Variants in TLK2 observed in about 807,000 individuals in gnomAD.
The protein encoded by TLK2 is tousled like kinase 2.
TLK2 carries 6 observed loss-of-function variants against 117.3 expected under a neutral mutation model. The ratio of observed to expected loss-of-function variants is 0.05; its 90% CI spans 0.03 to 0.10. The LOEUF is 0.10. Ranked by LOEUF, TLK2 falls within the 10% of genes least tolerant of loss-of-function variation. The pLI is 1.00. For synonymous variants in TLK2, 257 were observed against 316.7 expected, an observed-to-expected ratio of 0.81 and a Z score of 2.00; for missense variants, 299 against 901.2, an observed-to-expected ratio of 0.33 and a Z score of 8.56.
intron 11 of TLK2, among the ~76,000 whole-genome samples, chr17:62,569,309 A>G (rs1429937170): frequency 1.3e-5 from 2 of 151,810 alleles, no homozygotes; most frequent in Admixed American, 6.6e-5. Flanking sequence ...CTCCAAAAAA[A>G]AAAAACAACC....
At position 62,515,840 on chromosome 17, in the gene TLK2, T is replaced by A. The variant is rs188176066; in HGVS notation, c.82-4933T>A. ...CAGATTTTAAATTTTGATGTCTATTTTATGTATTTTTACTGTTTTTATCTC... is the reference window on the plus strand; with the variant it reads ...CAGATTTTAAATTTTGATGTCTATTATATGTATTTTTACTGTTTTTATCTC... On this transcript the variant is annotated intron_variant, in intron 2 of 21. Transcript: ENST00000346027. 5.8e-3 allele frequency among the ~76,000 whole-genome samples: 883 copies of A among 152,332 alleles called. 5 individuals carry two copies. Among genetic ancestry groups the A allele is most frequent in the Non-Finnish European group, 6.7e-3 (456 of 68,032 alleles).
chr17:62,501,057 T>A (rs2074148442), intron 2 of TLK2, among the ~76,000 whole-genome samples: 1 of 151,778 alleles, frequency 6.6e-6, no homozygotes, highest in East Asian at 2.0e-4. Flanking sequence ...GCTAACGCGG[T>A]GAAACCCCAT....
chr17:62,570,450 A>G (rs537456326), intron 11 of TLK2, among the ~76,000 whole-genome samples: 59 of 152,210 alleles, frequency 3.9e-4, no homozygotes, highest in Admixed American at 7.2e-4. Context: ...CTGTTAATGC[A>G]TGCTGGGGGA....
chr17:62,608,544 A>C (rs904728444), intron 21 of TLK2, among the ~76,000 whole-genome samples: 1 of 152,210 alleles, frequency 6.6e-6, no homozygotes, highest in Non-Finnish European at 1.5e-5. Context: ...TAAGAGTACT[A>C]AGGCATTTGT....
intron 7 of TLK2, among the ~76,000 whole-genome samples, chr17:62,549,421 A>G (rs2078245003): frequency 1.7e-5 from 2 of 114,592 alleles, no homozygotes; most frequent in African/African-American, 6.2e-5. Context: ...AAAAAAAAAA[A>G]AAAAAAAAAA....
chr17:62,585,265 AG>A (rs1362354588), intron 15 of TLK2, among the ~76,000 whole-genome samples: 6 of 152,184 alleles, frequency 3.9e-5, no homozygotes, highest in African/African-American at 1.4e-4. Flanking sequence ...CTTTTCGGCC[AG>A]GCGCAGTGGC....
chr17:62,546,770 G>A (rs898544709), intron 7 of TLK2, among the ~76,000 whole-genome samples: 1 of 151,758 alleles, frequency 6.6e-6, no homozygotes, highest in African/African-American at 2.4e-5. Flanking sequence ...ATGTTGGCCA[G>A]GCTGGTCTCG....
At chr17:62,584,793 T>C (rs2081490472) in intron 15 of TLK2, among the ~76,000 whole-genome samples, 3 of 152,256 alleles carry the variant, frequency 2.0e-5, no homozygotes, top group Admixed American at 2.0e-4. Flanking sequence ...CAGCTCTCTC[T>C]ACATGCAGTG....
At chr17:62,485,063 C>G (rs1396481318) in intron 2 of TLK2, among the ~76,000 whole-genome samples, 1 of 152,136 alleles carries the variant, frequency 6.6e-6, no homozygotes, top group Non-Finnish European at 1.5e-5. Context: ...AAGAATATCA[C>G]TGTGTTGATG....
chr17:62,567,295 C>G (rs2079874086), intron 11 of TLK2, among the ~76,000 whole-genome samples: 1 of 152,140 alleles, frequency 6.6e-6, no homozygotes, highest in Non-Finnish European at 1.5e-5. Context: ...AATATTTTAT[C>G]TCTTACTCTA....
At chr17:62,490,197 A>G (rs1339057211) in intron 2 of TLK2, among the ~76,000 whole-genome samples, 3 of 152,238 alleles carry the variant, frequency 2.0e-5, no homozygotes, top group African/African-American at 7.2e-5. Flanking sequence ...CTTCTCTGGC[A>G]TGCTAAACAT....
intron 17 of TLK2, among the ~76,000 whole-genome samples, chr17:62,599,454 C>T (rs1047976079): frequency 1.3e-5 from 2 of 152,146 alleles, no homozygotes; most frequent in African/African-American, 2.4e-5. Flanking sequence ...GGGGTTAGCC[C>T]GTGTAGGCTG....
At chr17:62,471,218 T>A (rs1306820704) in intron 1 of TLK2, 1 of 152,218 alleles carries the variant, frequency 6.6e-6, no homozygotes, top group African/African-American at 2.4e-5. Flanking sequence ...TGTGCAGTCT[T>A]CCAGAAGAGC....
Position 62,480,996 on chromosome 17 carries a change from A to G in TLK2, c.-5-125A>G. 3 of 869,990 alleles carry G rather than the reference A, an allele frequency of 3.4e-6. No homozygotes were observed. In the South Asian group the frequency reaches 4.8e-5, roughly 14 times the overall value. 53.9% of individuals were successfully genotyped at this position (869,990 alleles called of 1,614,324 possible). On this transcript the variant is annotated intron_variant, in intron 1 of 21. Coordinates refer to ENST00000346027, the MANE Select transcript of TLK2 (RefSeq NM_006852.6). ...TAGTAGTCTACCACTTGTATGCTATATTTACTTGAGATTTACCTGCATTTG... is the reference window on the plus strand; with the variant it reads ...TAGTAGTCTACCACTTGTATGCTATGTTTACTTGAGATTTACCTGCATTTG...
At chr17:62,603,444 C>A (rs144511033) in intron 19 of TLK2, among the ~76,000 whole-genome samples, 1 of 152,064 alleles carries the variant, frequency 6.6e-6, no homozygotes, top group Non-Finnish European at 1.5e-5. Flanking sequence ...ACAAAAATAT[C>A]TGCTGCTGGA....
intron 17 of TLK2, among the ~76,000 whole-genome samples, chr17:62,597,788 A>G (rs2082586968): frequency 6.6e-6 from 1 of 152,170 alleles, no homozygotes; most frequent in South Asian, 2.1e-4. Context: ...GCATTGCTAT[A>G]TTTTGTTACT....
chr17:62,604,479 TAGTA>T (rs2083114565), intron 19 of TLK2, among the ~76,000 whole-genome samples: 1 of 152,294 alleles, frequency 6.6e-6, no homozygotes, highest in Non-Finnish European at 1.5e-5. Flanking sequence ...AAATCCTTGA[TAGTA>T]AGTTAGAATG....
chr17:62,487,819 C>T (rs547965023), intron 2 of TLK2, among the ~76,000 whole-genome samples: 16 of 151,906 alleles, frequency 1.1e-4, no homozygotes, highest in African/African-American at 3.9e-4. Flanking sequence ...GGTGGGGTTT[C>T]TTCATGTTGG....
chr17:62,516,739 G>A, intron 2 of TLK2: 4 of 1,588,036 alleles, frequency 2.5e-6, no homozygotes, highest in Non-Finnish European at 2.6e-6. Flanking sequence ...TTCATAAATG[G>A]CAATCCAGTT....
Sources: gnomAD v4.1 joint callset for allele counts (sites outside exome capture counted in the v4.1 genomes callset) on GRCh38, gnomAD v4.1.1 for gene constraint, MANE v1.5 for transcripts, NCBI Gene and HGNC (gene_info 2026-07-23, HGNC 2026-07-21) for gene names.